The following PREX2 variants were observed in gnomAD, a reference collection of about 807,000 sequenced individuals.
PREX2 encodes the protein phosphatidylinositol 3,4,5-trisphosphate-dependent Rac exchanger 2 protein.
PREX2 carries 107 observed loss-of-function variants against 203.2 expected under a neutral mutation model. The observed-to-expected ratio is 0.53, with a 90% CI of 0.45 to 0.62. PREX2 has a LOEUF of 0.62. Among genes scored for constraint, PREX2 ranks in the 20% least tolerant of loss-of-function variants. The probability of loss-of-function intolerance (pLI) is 0.00; values close to 1 mark genes in which losing one functional copy is unlikely to be tolerated. For synonymous variants in PREX2, 672 were observed against 663.6 expected (o/e 1.01, Z -0.19); for missense variants, 1,777 against 1,955.9 (o/e 0.91, Z 1.72).
chr8:68,087,919 T>A, intron 19 of PREX2, 110 bp downstream of exon 19: 1 of 800,406 alleles, frequency 1.2e-6, no homozygotes, highest in Non-Finnish European at 2.2e-6. Context: ...GATTCTCAAT[T>A]ATATTTTCAC....
chr8:68,165,445 C>T (rs1811742702), intron 35 of PREX2, among the ~76,000 whole-genome samples: 1 of 151,976 alleles, frequency 6.6e-6, no homozygotes, highest in African/African-American at 2.4e-5. Context: ...ATCCCCCATC[C>T]CCTCGGTGTT....
At position 68,060,734 on chromosome 8, in the gene PREX2, G is replaced by A. The variant is rs751789846; in HGVS notation, c.1294G>A (p.Val432Met). 23 of 1,612,566 alleles carry A rather than the reference G, an allele frequency of 1.4e-5. No homozygotes were observed. Among genetic ancestry groups the A allele is most frequent in the African/African-American group, 2.7e-5 (2 of 74,842 alleles). Residue 432 changes from valine (V) to methionine (M), a missense_variant, in exon 11 of 40, where the codon GTG (valine) becomes ATG (methionine). Coordinates refer to ENST00000288368, the MANE Select transcript of PREX2 (RefSeq NM_024870.4). ...AGAGATTCACAGGCCTGAGGAAGGC[G>A]TGCACTTGGGACAAGCATTATTAGA... ...IGEIHRPEEG[V>M]HLGQALLENG...
At chr8:68,088,499 T>A (rs1210189902) in intron 19 of PREX2, among the ~76,000 whole-genome samples, 2 of 152,218 alleles carry the variant, frequency 1.3e-5, no homozygotes, top group African/African-American at 2.4e-5. Context: ...TACATGCTTT[T>A]TATTACTAAA....
chr8:68,094,317 T>G (rs1386319183), intron 21 of PREX2, among the ~76,000 whole-genome samples: 1 of 152,160 alleles, frequency 6.6e-6, no homozygotes, highest in Non-Finnish European at 1.5e-5. Flanking sequence ...TATTCTAACA[T>G]TGACAGTAAG....
At chr8:68,007,899 G>A (rs1266393112) in intron 1 of PREX2, among the ~76,000 whole-genome samples, 12 of 152,168 alleles carry the variant, frequency 7.9e-5, no homozygotes, top group South Asian at 2.1e-4. Flanking sequence ...ATGAGCCACC[G>A]CGCCCGGCCC....
At chr8:68,153,781 A>C (rs1235030468) in intron 34 of PREX2, among the ~76,000 whole-genome samples, 1 of 152,140 alleles carries the variant, frequency 6.6e-6, no homozygotes, top group East Asian at 1.9e-4. Context: ...AACCCTATAC[A>C]TGTGACACAG....
chr8:68,114,934 C>T (rs997238952), intron 25 of PREX2, among the ~76,000 whole-genome samples: 2 of 151,724 alleles, frequency 1.3e-5, no homozygotes, highest in African/African-American at 4.9e-5. Flanking sequence ...CATGAAGGCC[C>T]ATTTATAGTT....
chr8:68,224,582 G>C lies in PREX2; in HGVS notation c.4731G>C (p.Ala1577=), dbSNP rs756670148. 6.2e-7 allele frequency: 1 copy of C among 1,613,854 alleles called. No individual in the cohort carries two copies. The highest frequency in any genetic ancestry group is 1.7e-5 in the Admixed American group (1 of 59,990). The change falls in exon 39 of 40, where the codon GCG becomes GCC. Residue 1577 remains alanine (A), a synonymous_variant. Transcript: ENST00000288368. ...RKQGARVQNT[A]KNLGVRDRTP... is the part of the protein sequence containing the mutation. The stretch of plus-strand genomic sequence containing the variant: ...AGGGAGCAAGAGTTCAGAACACAGC[G>C]AAGAATTTGGGAGTCAGAGACCGGA...
intron 25 of PREX2, among the ~76,000 whole-genome samples, chr8:68,113,374 A>AT (rs71933541): frequency 6.6e-6 from 1 of 152,138 alleles, no homozygotes; most frequent in Admixed American, 6.5e-5. Flanking sequence ...GAACTCCTGC[A>AT]TTTTTTCCCT....
chr8:68,206,080 T>G (rs1812618342), intron 37 of PREX2, among the ~76,000 whole-genome samples: 1 of 152,198 alleles, frequency 6.6e-6, no homozygotes, highest in Non-Finnish European at 1.5e-5. Flanking sequence ...CTAAATATAT[T>G]AATCTACGTG....
intron 23 of PREX2, among the ~76,000 whole-genome samples, chr8:68,102,379 C>A (rs1361928637): frequency 6.6e-6 from 1 of 152,096 alleles, no homozygotes; most frequent in Non-Finnish European, 1.5e-5. Context: ...ACCATTTGGC[C>A]ATAAACATAT....
intron 1 of PREX2, among the ~76,000 whole-genome samples, chr8:67,981,288 T>A (rs73256091): frequency 0.023 from 3,490 of 152,248 alleles, 126 homozygotes; most frequent in African/African-American, 0.077. Flanking sequence ...TGTCAAGGGA[T>A]TGCAATTTGT....
chr8:68,090,546 T>C, intron 19 of PREX2, 33 bp from the exon 20 acceptor site: 2 of 1,575,030 alleles, frequency 1.3e-6, no homozygotes, highest in Non-Finnish European at 1.7e-6. Context: ...TCCTGAAATT[T>C]GTTTTTGGTT....
At chr8:68,167,230 T>G (rs1054462860) in intron 35 of PREX2, among the ~76,000 whole-genome samples, 1 of 152,088 alleles carries the variant, frequency 6.6e-6, no homozygotes, top group Non-Finnish European at 1.5e-5. Flanking sequence ...CCTAAAAAAG[T>G]CACAAACTCC....
chr8:68,130,359 T>A (rs1347846988), intron 31 of PREX2, among the ~76,000 whole-genome samples: 1 of 152,062 alleles, frequency 6.6e-6, no homozygotes, highest in African/African-American at 2.4e-5. Context: ...GGATGGATAC[T>A]TGTAAATTTT....
chr8:68,135,268 G>A (rs16934224), intron 32 of PREX2, among the ~76,000 whole-genome samples: 60,639 of 151,712 alleles, frequency 0.4, 12,595 homozygotes, highest in East Asian at 0.7. Context: ...ATCAAGTGCC[G>A]GTGCTTTTAC....
At chr8:68,035,870 C>T (rs1433526309) in intron 6 of PREX2, among the ~76,000 whole-genome samples, 1 of 152,140 alleles carries the variant, frequency 6.6e-6, no homozygotes, top group Non-Finnish European at 1.5e-5. Context: ...CAGTAAAACA[C>T]AATCTGACCG....
At chr8:68,110,291 T>TA (rs1467130716) in intron 25 of PREX2, among the ~76,000 whole-genome samples, 6 of 152,218 alleles carry the variant, frequency 3.9e-5, no homozygotes, top group African/African-American at 1.4e-4. Context: ...AGGACGATGC[T>TA]TCACATCTAG....
rs1330390211 is a variant in PREX2 at position 68,080,510 on chromosome 8, G to T, written c.1710G>T (p.Glu570Asp). 13 of 1,612,204 alleles carry T rather than the reference G, an allele frequency of 8.1e-6. No homozygotes were observed. The highest frequency in any genetic ancestry group is 1.3e-5 in the African/African-American group (1 of 74,850). Residue 570 changes from glutamate to aspartate, a missense_variant, in exon 16 of 40, where the codon GAG (glutamate) becomes GAT (aspartate). Coordinates refer to ENST00000288368, the MANE Select transcript of PREX2 (RefSeq NM_024870.4). ...GTTTTTTTTCGGATGAGGAAATGGAGGGATCAAATATGAAACATCGACTTA... is the reference window on the plus strand; with the variant it reads ...GTTTTTTTTCGGATGAGGAAATGGATGGATCAAATATGAAACATCGACTTA... ...LFRFFSDEEM[E>D]GSNMKHRLMK...
Sources: gnomAD v4.1 joint callset for allele counts (sites outside exome capture counted in the v4.1 genomes callset) on GRCh38, gnomAD v4.1.1 for gene constraint, MANE v1.5 for transcripts, NCBI Gene and HGNC (gene_info 2026-07-23, HGNC 2026-07-21) for gene names.